Variants in SIPA1L1 observed in about 807,000 individuals in gnomAD.
SIPA1L1 encodes the protein signal induced proliferation associated 1 like 1, also known as signal-induced proliferation-associated 1-like protein 1.
A neutral mutation model predicts 162.7 loss-of-function variants in SIPA1L1; 26 were observed. The ratio of observed to expected loss-of-function variants is 0.16; its 90% CI spans 0.12 to 0.22. The LOEUF (loss-of-function observed/expected upper bound fraction) is 0.22. SIPA1L1 is among the 10% of genes least tolerant of loss of function. The pLI is 1.00. For synonymous variants in SIPA1L1, 829 were observed against 837.4 expected (o/e 0.99, Z 0.17); for missense variants, 1,874 against 2,241.0 (o/e 0.84, Z 3.31).
intron 10 of SIPA1L1, among the ~76,000 whole-genome samples, chr14:71,663,715 G>C (rs1210345327): frequency 6.6e-6 from 1 of 152,010 alleles, no homozygotes; most frequent in East Asian, 1.9e-4. Context: ...TTAATCTGTT[G>C]CCTGGAGAGC....
At chr14:71,409,141 T>C (rs2042229636) in intron 2 of SIPA1L1, among the ~76,000 whole-genome samples, 2 of 152,244 alleles carry the variant, frequency 1.3e-5, no homozygotes, top group South Asian at 4.1e-4. Flanking sequence ...CTGTAAGTAA[T>C]ATATTCTTAG....
At chr14:71,487,506 G>A (rs1426403650) in intron 2 of SIPA1L1, among the ~76,000 whole-genome samples, 1 of 152,172 alleles carries the variant, frequency 6.6e-6, no homozygotes, top group Non-Finnish European at 1.5e-5. Context: ...TTGCTATGGT[G>A]TGTTAGAGCT....
At chr14:71,581,187 T>G (rs193130114) in intron 4 of SIPA1L1, among the ~76,000 whole-genome samples, 2 of 152,152 alleles carry the variant, frequency 1.3e-5, no homozygotes, top group African/African-American at 4.8e-5. Flanking sequence ...GTGGTGGTAG[T>G]GGTGGTGTTT....
intron 4 of SIPA1L1, among the ~76,000 whole-genome samples, chr14:71,546,474 C>G (rs886322848): frequency 6.8e-6 from 1 of 146,740 alleles, no homozygotes; most frequent in African/African-American, 2.5e-5. Context: ...CTCCGCCTTC[C>G]AGGTTCAAGC....
intron 2 of SIPA1L1, among the ~76,000 whole-genome samples, chr14:71,506,366 G>T (rs909339266): frequency 6.6e-6 from 1 of 152,062 alleles, no homozygotes; most frequent in African/African-American, 2.4e-5. Flanking sequence ...TGGAGACAGA[G>T]TTTTGCTCTT....
intron 4 of SIPA1L1, among the ~76,000 whole-genome samples, chr14:71,533,965 T>C (rs1431468618): frequency 6.6e-6 from 1 of 152,120 alleles, no homozygotes; most frequent in Admixed American, 6.6e-5. Context: ...GACTCATGCG[T>C]GTAATCCCAG....
At chr14:71,496,681 T>C (rs1433449866) in intron 2 of SIPA1L1, among the ~76,000 whole-genome samples, 2 of 152,222 alleles carry the variant, frequency 1.3e-5, no homozygotes, top group Non-Finnish European at 2.9e-5. Context: ...GTCAATTATT[T>C]AGAGTGGAGT....
At chr14:71,475,604 T>C (rs1285143524) in intron 2 of SIPA1L1, among the ~76,000 whole-genome samples, 2 of 152,112 alleles carry the variant, frequency 1.3e-5, no homozygotes, top group Admixed American at 6.5e-5. Context: ...ATTTGAAAAA[T>C]AGAGAAAATT....
At chr14:71,424,680 T>G (rs2043431571) in intron 2 of SIPA1L1, among the ~76,000 whole-genome samples, 1 of 152,124 alleles carries the variant, frequency 6.6e-6, no homozygotes, top group African/African-American at 2.4e-5. Context: ...GCCAATATTT[T>G]GTTGAGGATT....
At chr14:71,521,249 A>G (rs1595885241) in intron 3 of SIPA1L1, among the ~76,000 whole-genome samples, 1 of 152,216 alleles carries the variant, frequency 6.6e-6, no homozygotes, top group South Asian at 2.1e-4. Flanking sequence ...ATTTATTAAT[A>G]TAAGTTTTAC....
chr14:71,396,271 A>G (rs187588799), intron 2 of SIPA1L1, among the ~76,000 whole-genome samples: 1 of 152,300 alleles, frequency 6.6e-6, no homozygotes, highest in East Asian at 1.9e-4. Context: ...CTTGAAGTTT[A>G]TACCCAATTA....
At chr14:71,572,356 C>T (rs2032235697) in intron 4 of SIPA1L1, among the ~76,000 whole-genome samples, 1 of 152,176 alleles carries the variant, frequency 6.6e-6, no homozygotes, top group Non-Finnish European at 1.5e-5. Flanking sequence ...TACTACCTGT[C>T]ATTTTATGCC....
chr14:71,569,268 G>GTGTC (rs889864584), intron 4 of SIPA1L1, among the ~76,000 whole-genome samples: 4 of 152,194 alleles, frequency 2.6e-5, no homozygotes, highest in African/African-American at 9.6e-5. Flanking sequence ...CGTGAAAAGA[G>GTGTC]TGTCTTGAAT....
intron 7 of SIPA1L1, among the ~76,000 whole-genome samples, chr14:71,631,820 T>G (rs761634275): frequency 3.9e-5 from 6 of 152,246 alleles, no homozygotes; most frequent in Admixed American, 3.3e-4. Flanking sequence ...ACTGGCATTT[T>G]TTGCTCTCAA....
At chr14:71,702,335 G>T (rs2082151306) in intron 14 of SIPA1L1, 46 bp from the exon 15 acceptor site, 1 of 1,608,252 alleles carries the variant, frequency 6.2e-7, no homozygotes, top group South Asian at 1.1e-5. Flanking sequence ...TCCCCTCATG[G>T]GTAAGGTCCC....
At chr14:71,476,107 G>A (rs1345219280) in intron 2 of SIPA1L1, among the ~76,000 whole-genome samples, 1 of 152,164 alleles carries the variant, frequency 6.6e-6, no homozygotes, top group African/African-American at 2.4e-5. Context: ...TGCTGAAACT[G>A]GTTTCTGTGA....
chr14:71,557,668 T>A (rs1440061763), intron 4 of SIPA1L1, among the ~76,000 whole-genome samples: 2 of 152,212 alleles, frequency 1.3e-5, no homozygotes, highest in Non-Finnish European at 2.9e-5. Context: ...AAAATTAAAC[T>A]AGTCATGATT....
At chr14:71,565,654 T>G (rs913823986) in intron 4 of SIPA1L1, among the ~76,000 whole-genome samples, 6 of 152,182 alleles carry the variant, frequency 3.9e-5, no homozygotes, top group African/African-American at 1.4e-4. Flanking sequence ...TAAATAAATA[T>G]CCACATATGG....
At chr14:71,448,209 T>C (rs533206601) in intron 2 of SIPA1L1, among the ~76,000 whole-genome samples, 6 of 152,314 alleles carry the variant, frequency 3.9e-5, no homozygotes, top group South Asian at 4.2e-4. Context: ...CACTTTTTTT[T>C]CCTACGCTTC....
Sources: gnomAD v4.1 joint callset for allele counts (sites outside exome capture counted in the v4.1 genomes callset) on GRCh38, gnomAD v4.1.1 for gene constraint, MANE v1.5 for transcripts, NCBI Gene and HGNC (gene_info 2026-07-23, HGNC 2026-07-21) for gene names.